Variants in ROBO2 observed in about 807,000 individuals in gnomAD.
ROBO2 encodes the protein roundabout guidance receptor 2.
A neutral mutation model predicts 160.8 loss-of-function variants in ROBO2; 53 were observed. The observed-to-expected ratio is 0.33, with a 90% CI of 0.26 to 0.41. The LOEUF is 0.41. ROBO2 is among the 10% of genes least tolerant of loss of function. The pLI, the probability that ROBO2 is intolerant of heterozygous loss-of-function variation, is 1.00. For missense variants in ROBO2, 1,577 were observed against 1,722.4 expected (o/e 0.92, Z 1.49); for synonymous variants, 664 against 611.7 (o/e 1.09, Z -1.26).
chr3:76,603,098 G>A lies in ROBO2; in HGVS notation c.110-494916G>A, dbSNP rs565106050. On this transcript the variant is annotated intron_variant, in intron 2 of 26. Coordinates refer to the ROBO2 transcript ENST00000487694. ...TGTAATCTCGGCACTTTGGGAGGCC[G>A]AGGCGGGCAGATCATGAGGTCAGGA... Among the ~76,000 whole-genome samples, 16 of 151,638 alleles carry A rather than the reference G, an allele frequency of 1.1e-4. No homozygotes were observed. The East Asian group carries it at 2.5e-3, about 24-fold the overall frequency.
intron 2 of ROBO2, among the ~76,000 whole-genome samples, chr3:76,748,614 A>G (rs1326005590): frequency 1.3e-5 from 2 of 151,812 alleles, no homozygotes; most frequent in Non-Finnish European, 2.9e-5. Context: ...AATTTAATTT[A>G]AATGGGACTT....
At chr3:76,252,679 T>C (rs967080407) in intron 2 of ROBO2, among the ~76,000 whole-genome samples, 1 of 151,896 alleles carries the variant, frequency 6.6e-6, no homozygotes, top group African/African-American at 2.4e-5. Context: ...TATGTATATA[T>C]ACACAAATAC....
At chr3:77,049,750 C>G (rs1336009566) in intron 1 of ROBO2, among the ~76,000 whole-genome samples, 1 of 152,118 alleles carries the variant, frequency 6.6e-6, no homozygotes, top group Admixed American at 6.5e-5. Flanking sequence ...TGGTTCCAAG[C>G]TTTTTGGAAA....
At chr3:77,612,170 A>G (rs1319460526) in intron 21 of ROBO2, among the ~76,000 whole-genome samples, 1 of 152,198 alleles carries the variant, frequency 6.6e-6, no homozygotes, top group Non-Finnish European at 1.5e-5. Context: ...AGGTTGACCA[A>G]AAGATCTTTG....
intron 24 of ROBO2, chr3:77,642,731 G>A (rs1189201453): frequency 4.4e-6 from 2 of 456,586 alleles, no homozygotes; most frequent in African/African-American, 4.0e-5. Flanking sequence ...ATAGGCCCGA[G>A]CCAGCAGGCT....
chr3:76,856,861 G>A (rs115563666), intron 2 of ROBO2, among the ~76,000 whole-genome samples: 104 of 152,228 alleles, frequency 6.8e-4, no homozygotes, highest in African/African-American at 2.4e-3. Flanking sequence ...GAGAGGCTGG[G>A]GTTTAGAACA....
chr3:77,142,339 TATAG>T (rs540601622), intron 2 of ROBO2, among the ~76,000 whole-genome samples: 11 of 152,336 alleles, frequency 7.2e-5, no homozygotes, highest in African/African-American at 2.6e-4. Flanking sequence ...AATACACTTG[TATAG>T]ATAATTATGT....
chr3:76,523,308 G>A (rs1357854292), intron 2 of ROBO2, among the ~76,000 whole-genome samples: 1 of 151,974 alleles, frequency 6.6e-6, no homozygotes, highest in Non-Finnish European at 1.5e-5. Flanking sequence ...ATAAAGTCCA[G>A]GCTTTTAATC....
intron 23 of ROBO2, chr3:77,632,381 C>A (rs1461640446): frequency 3.3e-6 from 3 of 900,676 alleles, no homozygotes; most frequent in Non-Finnish European, 3.2e-6. Context: ...AAGGAAGAAG[C>A]ATGGACAACT....
At chr3:76,151,553 G>A (rs1236783281) in intron 2 of ROBO2, among the ~76,000 whole-genome samples, 1 of 152,066 alleles carries the variant, frequency 6.6e-6, no homozygotes, top group Non-Finnish European at 1.5e-5. Flanking sequence ...AATTTCCTGA[G>A]CAGAAATAGA....
chr3:77,109,594 G>T (rs1458309881), intron 2 of ROBO2, among the ~76,000 whole-genome samples: 1 of 152,216 alleles, frequency 6.6e-6, no homozygotes, highest in East Asian at 1.9e-4. Context: ...AAATGATTTT[G>T]CTAGGGAGAA....
intron 2 of ROBO2, among the ~76,000 whole-genome samples, chr3:76,277,640 G>A (rs891762448): frequency 6.6e-6 from 1 of 151,864 alleles, no homozygotes; most frequent in Non-Finnish European, 1.5e-5. Context: ...AGTACCAAAA[G>A]CCAATGTATT....
At chr3:76,203,042 T>G (rs1428910306) in intron 2 of ROBO2, among the ~76,000 whole-genome samples, 1 of 151,200 alleles carries the variant, frequency 6.6e-6, no homozygotes, top group Non-Finnish European at 1.5e-5. Context: ...GAACAACCCT[T>G]AGAAATTACA....
chr3:76,696,047 C>A (rs2092919884), intron 2 of ROBO2, among the ~76,000 whole-genome samples: 1 of 152,134 alleles, frequency 6.6e-6, no homozygotes, highest in Non-Finnish European at 1.5e-5. Flanking sequence ...TTTAAAATTT[C>A]TTCTCCCTTG....
rs933558799 is a variant in ROBO2, at chr3:76,288,384, G to A, written c.109+350782G>A. On this transcript the variant is annotated intron_variant, in intron 2 of 26. Coordinates refer to the ROBO2 transcript ENST00000487694. ...GGTTTCTGTTCAAACCTCAGATAAT[G>A]AGAAAACTTAAATCACCTAAAATAC... 3.3e-5 allele frequency among the ~76,000 whole-genome samples: 5 copies of A among 151,912 alleles called. No homozygotes were observed. The South Asian group carries it at 8.3e-4, about 25-fold the overall frequency.
At chr3:77,146,302 C>T (rs976320637) in intron 2 of ROBO2, among the ~76,000 whole-genome samples, 2 of 152,010 alleles carry the variant, frequency 1.3e-5, no homozygotes, top group East Asian at 1.9e-4. Context: ...GGAGGAAGGG[C>T]GATGCCTCTG....
chr3:76,170,881 G>A (rs2073014868), intron 2 of ROBO2, among the ~76,000 whole-genome samples: 1 of 152,066 alleles, frequency 6.6e-6, no homozygotes, highest in African/African-American at 2.4e-5. Context: ...ATTAGTATGT[G>A]GCTATTCTAA....
chr3:77,008,419 G>C (rs2061695927), intron 2 of ROBO2, among the ~76,000 whole-genome samples: 1 of 152,132 alleles, frequency 6.6e-6, no homozygotes, highest in African/African-American at 2.4e-5. Context: ...GTATATGACT[G>C]ACTCATATTC....
At chr3:76,929,537 G>C (rs1344782513) in intron 2 of ROBO2, among the ~76,000 whole-genome samples, 1 of 152,178 alleles carries the variant, frequency 6.6e-6, no homozygotes, top group Non-Finnish European at 1.5e-5. Context: ...CATTGTAATA[G>C]ATTTCCAATT....
Sources: allele counts gnomAD v4.1 joint callset (sites outside exome capture counted in the v4.1 genomes callset), GRCh38; gene constraint gnomAD v4.1.1; transcripts MANE v1.5; gene names NCBI Gene and HGNC (gene_info 2026-07-23, HGNC 2026-07-21).